Variants in EPC1 observed in about 807,000 individuals in gnomAD.
EPC1 encodes enhancer of polycomb homolog 1.
In EPC1, 12 loss-of-function variants were observed where a neutral mutation model predicts 98.4. That is an observed-to-expected ratio of 0.12 (90% CI 0.08 to 0.20). The LOEUF is 0.20. Ranked by LOEUF, EPC1 falls within the 10% of genes least tolerant of loss-of-function variation. The pLI is 1.00. For synonymous variants in EPC1, 357 were observed against 363.9 expected (o/e 0.98, Z 0.21); for missense variants, 729 against 990.5 (o/e 0.74, Z 3.54).
chr10:32,367,040 G>C (rs1001943585), intron 1 of EPC1, among the ~76,000 whole-genome samples: 18 of 152,180 alleles, frequency 1.2e-4, no homozygotes, highest in Non-Finnish European at 2.4e-4. Context: ...CTGTTGTCCA[G>C]GCTTGAGTGC....
At chr10:32,290,505 A>AAGAAAG (rs1554819134) in intron 6 of EPC1, among the ~76,000 whole-genome samples, 12 of 77,522 alleles carry the variant, frequency 1.5e-4, no homozygotes, top group African/African-American at 6.6e-4. Context: ...AAAAAAAAAA[A>AAGAAAG]AAAGAAAGAA....
chr10:32,362,627 A>G (rs2133105027), intron 1 of EPC1, among the ~76,000 whole-genome samples: 1 of 152,284 alleles, frequency 6.6e-6, no homozygotes. Flanking sequence ...TCTTTTCTTT[A>G]TAAATTACGC....
chr10:32,271,648 T>G lies in EPC1; in HGVS notation c.2275A>C (p.Ser759Arg), dbSNP rs1405442957. 4 of 1,614,234 alleles carry G rather than the reference T, an allele frequency of 2.5e-6. No homozygotes were observed. The highest frequency in any genetic ancestry group is 3.4e-6 in the Non-Finnish European group (4 of 1,180,040). Reference protein sequence around the residue: ...INARHIPRTLSAVPSSALKLA... With the variant: ...INARHIPRTLRAVPSSALKLA... ...TTTAAGGCAGATGATGGAACAGCAC[T>G]TAAAGTCCTAGGTATATGTCGTGCA... Residue 759 changes from serine (S) to arginine (R), a missense_variant, in exon 13 of 14, where the codon AGT becomes CGT. Around this residue, in one of 6 missense-constraint regions of EPC1, gnomAD observed 156 missense variants for 188.9 expected, o/e 0.83. Coordinates refer to ENST00000319778, the MANE Select transcript of EPC1 (RefSeq NM_001272004.3).
At chr10:32,311,210 G>A (rs1038791519) in intron 1 of EPC1, among the ~76,000 whole-genome samples, 9 of 152,028 alleles carry the variant, frequency 5.9e-5, no homozygotes, top group Non-Finnish European at 1.2e-4. Flanking sequence ...CTACTAGGGA[G>A]GCTGAGGCAG....
intron 10 of EPC1, among the ~76,000 whole-genome samples, chr10:32,278,368 TTTGTTTTTTTTTTTTTG>T (rs1836211415): frequency 1.4e-5 from 1 of 70,244 alleles, no homozygotes; most frequent in African/African-American, 6.7e-5. Context: ...TTGGTTTTTT[TTTGTTTTTTTTTTTTTG>T]TTTTTTTTTT....
In EPC1 at chr10:32,341,653, A is replaced by C. The variant is rs77704859; in HGVS notation, c.153+5110T>G. 2.0e-5 allele frequency among the ~76,000 whole-genome samples: 3 copies of C among 152,368 alleles called. No homozygotes were observed. The East Asian group carries it at 5.8e-4, about 29-fold the overall frequency. ...ACACATTCAAATGGTATACTGAAACAAAAGTTAATACTAACATTTCAGGTG... is the reference window on the plus strand; with the variant it reads ...ACACATTCAAATGGTATACTGAAACCAAAGTTAATACTAACATTTCAGGTG... On this transcript the variant is annotated intron_variant, in intron 1 of 13. Coordinates refer to ENST00000319778, the MANE Select transcript of EPC1 (RefSeq NM_001272004.3).
At chr10:32,343,062 A>AC (rs1838472800) in intron 1 of EPC1, among the ~76,000 whole-genome samples, 1 of 152,138 alleles carries the variant, frequency 6.6e-6, no homozygotes, top group South Asian at 2.1e-4. Flanking sequence ...CCCCACACCA[A>AC]CCAAGCACTT....
chr10:32,370,832 G>A lies in EPC1; in HGVS notation c.3+7659C>T, dbSNP rs143967419. Among the ~76,000 whole-genome samples the A allele has an allele frequency of 3.2e-3, 483 of 152,298 alleles. 4 individuals are homozygous for A. Among genetic ancestry groups the A allele is most frequent in the African/African-American group, 0.011 (455 of 41,566 alleles). On this transcript the variant is annotated intron_variant, in intron 1 of 13. Transcript: ENST00000375110. ...TAGCCACATGTTACTAGTGAGTACC[G>A]TATTGGACAGCACAGTTCTGGAGTT...
intron 1 of EPC1, among the ~76,000 whole-genome samples, chr10:32,339,548 G>T (rs1473987977): frequency 5.3e-5 from 8 of 151,900 alleles, no homozygotes; most frequent in African/African-American, 1.9e-4. Context: ...TCTCTCAATA[G>T]TAATAATAAT....
At chr10:32,270,301 CTT>C (rs1271534002) in intron 13 of EPC1, among the ~76,000 whole-genome samples, 2 of 152,182 alleles carry the variant, frequency 1.3e-5, no homozygotes, top group African/African-American at 2.4e-5. Flanking sequence ...ACTTCTCACT[CTT>C]TTATGCTTGT....
upstream of EPC1, among the ~76,000 whole-genome samples, chr10:32,348,827 G>C (rs1247995838): frequency 6.6e-6 from 1 of 152,178 alleles, no homozygotes; most frequent in African/African-American, 2.4e-5. Context: ...GGAAGCCCAG[G>C]CCACTGTGGG....
intron 1 of EPC1, among the ~76,000 whole-genome samples, chr10:32,343,452 C>T (rs2133044814): frequency 6.6e-6 from 1 of 152,322 alleles, no homozygotes; most frequent in African/African-American, 2.4e-5. Context: ...CTCAGGTGAT[C>T]CACCCGCCTC....
intron 1 of EPC1, among the ~76,000 whole-genome samples, chr10:32,307,432 T>G (rs1467747766): frequency 2.6e-5 from 4 of 152,222 alleles, no homozygotes. Context: ...TTTAAAACTC[T>G]TTGCCCTTCT....
chr10:32,360,060 CATT>C (rs1271938369), intron 1 of EPC1, among the ~76,000 whole-genome samples: 3 of 150,268 alleles, frequency 2.0e-5, no homozygotes, highest in Admixed American at 1.3e-4. Context: ...AGGTCTGTAT[CATT>C]AGTAGTTTTT....
intron 1 of EPC1, among the ~76,000 whole-genome samples, chr10:32,336,393 T>C (rs1202561586): frequency 6.6e-6 from 1 of 152,036 alleles, no homozygotes; most frequent in African/African-American, 2.4e-5. Flanking sequence ...AATGCCTTCA[T>C]CCCTGTCTTC....
chr10:32,290,335 T>C (rs1416941901), intron 6 of EPC1, among the ~76,000 whole-genome samples: 1 of 151,358 alleles, frequency 6.6e-6, no homozygotes, highest in African/African-American at 2.4e-5. Context: ...ATACAAAAAT[T>C]AGCCCAGCAT....
intron 10 of EPC1, chr10:32,282,702 T>C (rs1564522860): frequency 6.6e-6 from 1 of 152,196 alleles, no homozygotes; most frequent in Non-Finnish European, 1.5e-5. Context: ...TAAAGCAGTA[T>C]AGCAAAACAT....
intron 2 of EPC1, among the ~76,000 whole-genome samples, chr10:32,302,066 G>A (rs1330607143): frequency 6.6e-6 from 1 of 151,930 alleles, no homozygotes; most frequent in African/African-American, 2.4e-5. Flanking sequence ...GAGGTCAGGA[G>A]ATCGAGACCG....
At chr10:32,344,659 G>A (rs904650780) in intron 1 of EPC1, among the ~76,000 whole-genome samples, 2 of 152,292 alleles carry the variant, frequency 1.3e-5, no homozygotes, top group African/African-American at 2.4e-5. Flanking sequence ...GGTGGCAAGC[G>A]CCTATAATCC....
Sources: gnomAD v4.1 joint callset for allele counts (sites outside exome capture counted in the v4.1 genomes callset) on GRCh38, gnomAD v4.1.1 for gene constraint, gnomAD v4.1.1 regional missense constraint, MANE v1.5 for transcripts, NCBI Gene and HGNC (gene_info 2026-07-23, HGNC 2026-07-21) for gene names.